Variants in CEP72 observed in about 807,000 individuals in gnomAD.
CEP72 encodes the protein centrosomal protein of 72 kDa.
A neutral mutation model predicts 65.7 loss-of-function variants in CEP72; 78 were observed. The ratio of observed to expected loss-of-function variants is 1.19; its 90% CI spans 0.99 to 1.43. The LOEUF is 1.43. CEP72 is among the 40% of genes most tolerant of loss of function. CEP72 has a pLI of 0.00. For missense variants in CEP72, 914 were observed against 832.9 expected (o/e 1.10, Z -1.20); for synonymous variants, 358 against 351.7 (o/e 1.02, Z -0.20).
downstream of CEP72, among the ~76,000 whole-genome samples, chr5:658,707 T>C (rs1013537665): frequency 2.5e-4 from 32 of 125,730 alleles, no homozygotes; most frequent in Non-Finnish European, 3.5e-4. Flanking sequence ...CTCGCTCTAT[T>C]GCCCAGGCTG....
intron 3 of CEP72, among the ~76,000 whole-genome samples, chr5:621,016 TG>T (rs1561028252): frequency 6.6e-6 from 1 of 152,132 alleles, no homozygotes; most frequent in Non-Finnish European, 1.5e-5. Flanking sequence ...CCAGAGTCCA[TG>T]GGGAAGAAGA....
chr5:636,809 CAA>C (rs76828125), intron 6 of CEP72, among the ~76,000 whole-genome samples: 20 of 54,416 alleles, frequency 3.7e-4, no homozygotes, highest in African/African-American at 5.1e-4. Context: ...GACTCCAACT[CAA>C]AAAAAAAAAA....
intron 1 of CEP72, among the ~76,000 whole-genome samples, chr5:616,645 A>G (rs1709536): frequency 0.79 from 120,084 of 151,890 alleles, 47,876 homozygotes; most frequent in African/African-American, 0.9. Flanking sequence ...CGGGACAGTC[A>G]TGGAGCTCCT....
At chr5:663,975 G>C (rs1739792699) in intron 2 of CEP72, 1 of 152,656 alleles carries the variant, frequency 6.6e-6, no homozygotes, top group Admixed American at 6.5e-5. Flanking sequence ...GGCCGCCTGG[G>C]TGTGTCCTGG....
At chr5:638,531 G>A (rs749803342) in intron 7 of CEP72, among the ~76,000 whole-genome samples, 3 of 151,980 alleles carry the variant, frequency 2.0e-5, no homozygotes, top group East Asian at 1.9e-4. Flanking sequence ...AGGCATGGCC[G>A]GAGCTAGAGG....
intron 1 of CEP72, chr5:612,668 C>T (rs1255783113): frequency 3.1e-6 from 3 of 953,328 alleles, no homozygotes; most frequent in Non-Finnish European, 3.7e-6. Flanking sequence ...CGTCCCGGCC[C>T]CTGCCTGTCT....
At chr5:627,724 A>G (rs1736845721) in intron 4 of CEP72, among the ~76,000 whole-genome samples, 1 of 152,194 alleles carries the variant, frequency 6.6e-6, no homozygotes, top group Admixed American at 6.5e-5. Context: ...TTCTCTTCTA[A>G]TACATATAGG....
chr5:645,055 G>C lies in CEP72; in HGVS notation c.1666+630G>C, dbSNP rs1580006987. ...TTCTCGGTGTGGCGTGGAGTCTCTT[G>C]GAAGTTTTAACTCATACTTCCCTGA... is the stretch of plus-strand genomic sequence containing the variant. On this transcript the variant is annotated intron_variant, in intron 10 of 11. Transcript: ENST00000264935. The surrounding 1 kb of genome is among the most constrained non-coding windows in gnomAD (Gnocchi z 4.0). 6.6e-6 allele frequency among the ~76,000 whole-genome samples: 1 copy of C among 151,870 alleles called. No homozygotes were observed. Among genetic ancestry groups the C allele is most frequent in the East Asian group, 1.9e-4 (1 of 5,168 alleles).
chr5:669,752 G>A (rs968824815), downstream of CEP72, among the ~76,000 whole-genome samples: 86 of 152,190 alleles, frequency 5.7e-4, no homozygotes, highest in African/African-American at 1.4e-3. Flanking sequence ...GGGAAAGGGC[G>A]CCCGGGTCTC....
intron 11 of CEP72, among the ~76,000 whole-genome samples, chr5:650,355 G>T (rs1738922110): frequency 8.1e-6 from 1 of 123,854 alleles, no homozygotes; most frequent in East Asian, 2.8e-4. Context: ...GGCGTGGACT[G>T]TGAGGTGTGA....
At chr5:671,206 A>T (rs914076130), downstream of CEP72, among the ~76,000 whole-genome samples, 3 of 150,792 alleles carry the variant, frequency 2.0e-5, no homozygotes, top group Non-Finnish European at 4.4e-5. Context: ...GCTTGCTGCT[A>T]ATTAATTTTG....
At chr5:625,647 C>T (rs1736706185) in intron 4 of CEP72, among the ~76,000 whole-genome samples, 1 of 152,246 alleles carries the variant, frequency 6.6e-6, no homozygotes, top group South Asian at 2.1e-4. Flanking sequence ...CCTGCAGCCC[C>T]CATCACCCCA....
chr5:665,540 G>T (rs1343341895), intron 3 of CEP72, among the ~76,000 whole-genome samples: 1 of 151,904 alleles, frequency 6.6e-6, no homozygotes, highest in Non-Finnish European at 1.5e-5. Context: ...TGTAGTTGGG[G>T]ACCCCACCAC....
At chr5:640,147 A>G in intron 8 of CEP72, among the ~76,000 whole-genome samples, 1 of 152,088 alleles carries the variant, frequency 6.6e-6, no homozygotes, top group Admixed American at 6.5e-5. Context: ...TGGCGGCGCC[A>G]CTGAAACCTT....
downstream of CEP72, among the ~76,000 whole-genome samples, chr5:669,478 G>A (rs59863608): frequency 3.3e-3 from 506 of 152,226 alleles, 4 homozygotes; most frequent in African/African-American, 0.012. Flanking sequence ...TTGACTCTCT[G>A]GGGCCCTTGG....
chr5:658,218 C>G (rs1457130453), downstream of CEP72, among the ~76,000 whole-genome samples: 1 of 152,260 alleles, frequency 6.6e-6, no homozygotes, highest in Non-Finnish European at 1.5e-5. Context: ...TGTGCCTGGG[C>G]TCTGGAGCTG....
At chr5:669,107 A>G (rs79836712), downstream of CEP72, among the ~76,000 whole-genome samples, 810 of 152,334 alleles carry the variant, frequency 5.3e-3, 59 homozygotes, top group East Asian at 0.14. Flanking sequence ...CTCACGCCTC[A>G]TGGGGTCCCA....
downstream of CEP72, among the ~76,000 whole-genome samples, chr5:655,028 G>A (rs1300855112): frequency 6.6e-6 from 1 of 152,136 alleles, no homozygotes; most frequent in Non-Finnish European, 1.5e-5. This position sits in a 1 kb window ranked among gnomAD's most constrained non-coding sequence, Gnocchi z 5.0. Context: ...CTTGTATAGT[G>A]AATTTTTTAT....
At chr5:641,343 G>A (rs1561052896) in intron 9 of CEP72, 1 of 985,332 alleles carries the variant, frequency 1.0e-6, no homozygotes, top group South Asian at 4.7e-5. Flanking sequence ...CCTGGTGTGA[G>A]GGCAGAGCCA....
Sources: allele counts gnomAD v4.1 joint callset (sites outside exome capture counted in the v4.1 genomes callset), GRCh38; gene constraint gnomAD v4.1.1; non-coding constraint Gnocchi (gnomAD v3.1); transcripts MANE v1.5; gene names NCBI Gene and HGNC (gene_info 2026-07-23, HGNC 2026-07-21).